The following PARD3 variants were observed in gnomAD, a reference collection of about 807,000 sequenced individuals.
PARD3 encodes par-3 family cell polarity regulator.
PARD3 carries 75 observed loss-of-function variants against 155.4 expected under a neutral mutation model. That is an observed-to-expected ratio of 0.48 (90% CI 0.40 to 0.58). The LOEUF (loss-of-function observed/expected upper bound fraction) is 0.58. Ranked by LOEUF, PARD3 falls within the 20% of genes least tolerant of loss-of-function variation. The pLI, the probability that PARD3 is intolerant of heterozygous loss-of-function variation, is 0.00. For missense variants in PARD3, 1,642 were observed against 1,721.7 expected, an observed-to-expected ratio of 0.95 and a Z score of 0.82; for synonymous variants, 576 against 610.5, an observed-to-expected ratio of 0.94 and a Z score of 0.83.
intron 5 of PARD3, among the ~76,000 whole-genome samples, chr10:34,430,796 G>T (rs908891312): frequency 6.6e-6 from 1 of 152,172 alleles, no homozygotes; most frequent in Admixed American, 6.5e-5. Flanking sequence ...TGAGGAAATG[G>T]AGGATCACAG....
At chr10:34,389,239 T>TAAAAAAA (rs57615675) in intron 7 of PARD3, among the ~76,000 whole-genome samples, 1,287 of 65,836 alleles carry the variant, frequency 0.02, 198 homozygotes, top group African/African-American at 0.078. Flanking sequence ...CAATGTTTCT[T>TAAAAAAA]AAAAAAAAAA....
At chr10:34,764,354 T>C (rs76701532) in intron 1 of PARD3, among the ~76,000 whole-genome samples, 2,203 of 152,330 alleles carry the variant, frequency 0.014, 58 homozygotes, top group African/African-American at 0.051. Context: ...CTTTAGCCAA[T>C]GAATGCAATC....
At chr10:34,518,475 T>A (rs770332146) in intron 2 of PARD3, among the ~76,000 whole-genome samples, 2 of 152,178 alleles carry the variant, frequency 1.3e-5, no homozygotes, top group Non-Finnish European at 2.9e-5. Flanking sequence ...AAAGGGGTAC[T>A]CAAAAATGAT....
At chr10:34,534,320 G>A (rs1008268369) in intron 2 of PARD3, among the ~76,000 whole-genome samples, 1 of 151,930 alleles carries the variant, frequency 6.6e-6, no homozygotes, top group African/African-American at 2.4e-5. Context: ...GCAGACAGGA[G>A]GAGTCTGTCT....
chr10:34,516,086 T>C (rs1454736778), intron 3 of PARD3, among the ~76,000 whole-genome samples: 1 of 152,140 alleles, frequency 6.6e-6, no homozygotes, highest in Non-Finnish European at 1.5e-5. Context: ...TGTTTCAGCC[T>C]CCCAAGTAGC....
intron 2 of PARD3, among the ~76,000 whole-genome samples, chr10:34,658,595 G>C (rs1590455884): frequency 6.6e-6 from 1 of 152,066 alleles, no homozygotes; most frequent in Non-Finnish European, 1.5e-5. Context: ...TCTGTTAAGG[G>C]GGCCTAAAGA....
Position 34,814,975 on chromosome 10 carries a change from G to T in PARD3, c.21C>A (p.Phe7Leu). 6.5e-7 allele frequency: 1 copy of T among 1,541,984 alleles called. No individual in the cohort carries two copies. Residue 7 changes from phenylalanine (F) to leucine (L), a missense_variant, in exon 1 of 25, where the codon TTC (phenylalanine) becomes TTA (leucine). This residue lies in a region of PARD3 where 75 missense variants were observed against 65.3 expected (regional missense o/e 1.15). Transcript: ENST00000374788. ...ACGGCACGACCACCCGGGTCCGTCC[G>T]AAGCACACGGTCACTTTCATGCCGC... Reference protein sequence around the residue: MKVTVCFGRTRVVVPCG... With the variant: MKVTVCLGRTRVVVPCG...
At chr10:34,350,231 G>A (rs977252610) in intron 14 of PARD3, among the ~76,000 whole-genome samples, 1 of 152,112 alleles carries the variant, frequency 6.6e-6, no homozygotes, top group Non-Finnish European at 1.5e-5. Flanking sequence ...TGTGTCAGAG[G>A]GGGCACCAGC....
intron 1 of PARD3, among the ~76,000 whole-genome samples, chr10:34,697,766 A>AACACACACACACACAC (rs377094946): frequency 0.012 from 1,784 of 146,514 alleles, 30 homozygotes; most frequent in Non-Finnish European, 0.018. Flanking sequence ...TTGTAAAACA[A>AACACACACACACACAC]ACACTCACAC....
intron 3 of PARD3, among the ~76,000 whole-genome samples, chr10:34,497,315 T>C (rs187921269): frequency 1.1e-3 from 169 of 152,314 alleles, no homozygotes; most frequent in African/African-American, 3.7e-3. Context: ...ACTATTTATA[T>C]AGCGTTTACA....
At chr10:34,432,041 C>CAAAAAAAAAAAAAAAAAAAAAAAA (rs142848273) in intron 5 of PARD3, among the ~76,000 whole-genome samples, 3 of 21,590 alleles carry the variant, frequency 1.4e-4, no homozygotes, top group African/African-American at 2.4e-4. Context: ...GACTCTGTCT[C>CAAAAAAAAAAAAAAAAAAAAAAAA]AAAAAAAAAA....
At chr10:34,192,892 C>T (rs964185072) in intron 22 of PARD3, among the ~76,000 whole-genome samples, 5 of 152,196 alleles carry the variant, frequency 3.3e-5, no homozygotes, top group African/African-American at 1.2e-4. Context: ...TCATGCCCGC[C>T]TCTCTAAGTC....
At chr10:34,643,807 CTTGGGAGGCTGAG>C (rs139666765) in intron 2 of PARD3, among the ~76,000 whole-genome samples, 2,020 of 152,244 alleles carry the variant, frequency 0.013, 52 homozygotes, top group African/African-American at 0.046. Flanking sequence ...GTCCCAGCTA[CTTGGGAGGCTGAG>C]GTGGGAGGCT....
At chr10:34,215,905 AT>A (rs1471191094) in intron 22 of PARD3, among the ~76,000 whole-genome samples, 1 of 152,226 alleles carries the variant, frequency 6.6e-6, no homozygotes, top group Non-Finnish European at 1.5e-5. Flanking sequence ...GGGTGGTGAC[AT>A]TTGTGGTTTG....
intron 1 of PARD3, among the ~76,000 whole-genome samples, chr10:34,725,169 G>C (rs1486595107): frequency 3.3e-5 from 5 of 151,320 alleles, no homozygotes; most frequent in African/African-American, 1.2e-4. Flanking sequence ...GAGAGAGAGA[G>C]AGAGACGGAG....
At chr10:34,579,729 C>T (rs916679420) in intron 2 of PARD3, among the ~76,000 whole-genome samples, 1 of 150,478 alleles carries the variant, frequency 6.6e-6, no homozygotes, top group Non-Finnish European at 1.5e-5. Flanking sequence ...TACAGACGTG[C>T]ACCACCACGC....
intron 23 of PARD3, 29 bp from the exon 24 acceptor site, chr10:34,119,769 T>C (rs753218584): frequency 6.2e-7 from 1 of 1,603,466 alleles, no homozygotes; most frequent in African/African-American, 1.3e-5. Flanking sequence ...AGCACATCGT[T>C]AACCAGAAAG....
At chr10:34,385,232 C>G (rs896476967) in intron 7 of PARD3, among the ~76,000 whole-genome samples, 1 of 152,150 alleles carries the variant, frequency 6.6e-6, no homozygotes, top group African/African-American at 2.4e-5. Context: ...CACCTGGGTT[C>G]AAGCGATTCT....
intron 1 of PARD3, among the ~76,000 whole-genome samples, chr10:34,746,999 G>A (rs996995602): frequency 6.6e-6 from 1 of 152,142 alleles, no homozygotes; most frequent in South Asian, 2.1e-4. Flanking sequence ...AGAAGGCAGA[G>A]AAAGCAGCAT....
Sources: gnomAD v4.1 joint callset for allele counts (sites outside exome capture counted in the v4.1 genomes callset) on GRCh38, gnomAD v4.1.1 for gene constraint, gnomAD v4.1.1 regional missense constraint, MANE v1.5 for transcripts, NCBI Gene and HGNC (gene_info 2026-07-23, HGNC 2026-07-21) for gene names.